The following PCGF2 variants were observed in gnomAD, a reference collection of about 807,000 sequenced individuals.
PCGF2 encodes the protein polycomb group RING finger protein 2.
A neutral mutation model predicts 36.1 loss-of-function variants in PCGF2; 8 were observed. The observed-to-expected ratio is 0.22, with a 90% CI of 0.13 to 0.40. The LOEUF (loss-of-function observed/expected upper bound fraction) is 0.40. PCGF2 is among the 10% of genes least tolerant of loss of function. The pLI, the probability that PCGF2 is intolerant of heterozygous loss-of-function variation, is 1.00. For synonymous variants in PCGF2, 198 were observed against 191.2 expected (o/e 1.04, Z -0.29); for missense variants, 436 against 475.9 (o/e 0.92, Z 0.78).
intron 8 of PCGF2, 35 bp downstream of exon 8, chr17:38,738,506 C>G: frequency 6.2e-7 from 1 of 1,612,682 alleles, no homozygotes; most frequent in South Asian, 1.1e-5. Context: ...CCCTCCCAGC[C>G]CACATTCCAG....
At position 38,740,362 on chromosome 17, in the gene PCGF2, G is replaced by A; in HGVS notation, c.41C>T (p.Pro14Leu). The change falls in exon 3 of 11, where the codon CCC (proline) becomes CTC (leucine). Residue 14 changes from proline (P) to leucine (L), a missense_variant. Pro to Leu is a moderately conservative substitution (Grantham distance 98). Transcript: ENST00000620225. Reference sequence around the variant, plus strand: ...CCCGCAGAGGGCACACATGAGGTGGGGGTTCAGCTCTGTGATTTTGATCCG... The same window carrying A: ...CCCGCAGAGGGCACACATGAGGTGGAGGTTCAGCTCTGTGATTTTGATCCG... Reference protein sequence around the residue: ...TTRIKITELNPHLMCALCGGY... With the variant: ...TTRIKITELNLHLMCALCGGY... 1 of 1,610,086 alleles carries A rather than the reference G, an allele frequency of 6.2e-7. No individual in the cohort carries two copies. The highest frequency in any genetic ancestry group is 8.5e-7 in the Non-Finnish European group (1 of 1,176,840).
chr17:38,748,419 CTTT>C (rs1218417925), upstream of PCGF2: 3 of 151,208 alleles, frequency 2.0e-5, no homozygotes, highest in Non-Finnish European at 4.4e-5. Context: ...GACAAAATGG[CTTT>C]TTTCCTCCAG....
intron 7 of PCGF2, 49 bp downstream of exon 7, chr17:38,738,704 G>A: frequency 1.3e-6 from 2 of 1,575,814 alleles, no homozygotes; most frequent in Non-Finnish European, 1.7e-6. Flanking sequence ...TGGGAGAAGG[G>A]GTTACCCAGA....
At chr17:38,737,972 C>T (rs964327552) in intron 9 of PCGF2, among the ~76,000 whole-genome samples, 28 of 148,656 alleles carry the variant, frequency 1.9e-4, no homozygotes, top group African/African-American at 6.4e-4. Flanking sequence ...TGCATTTTAA[C>T]AAGATCTCCA....
chr17:38,738,212 C>T, intron 9 of PCGF2, 141 bp downstream of exon 9: 1 of 708,030 alleles, frequency 1.4e-6, no homozygotes, highest in Non-Finnish European at 2.5e-6. Context: ...GTTTCAACCA[C>T]CCTTCTGTTA....
In PCGF2 at chr17:38,735,426, T is replaced by A. The variant is rs1293516092; in HGVS notation, c.832A>T (p.Ser278Cys). 1.3e-6 allele frequency: 2 copies of A among 1,577,796 alleles called. No individual in the cohort carries two copies. Among genetic ancestry groups the A allele is most frequent in the Non-Finnish European group, 8.6e-7 (1 of 1,161,432 alleles). The change falls in exon 11 of 11, where the codon AGC becomes TGC. Residue 278 changes from serine (S) to cysteine (C), a missense_variant. By Grantham distance (112) the Ser-to-Cys change is moderately radical (BLOSUM62 -1). Coordinates refer to ENST00000620225, the MANE Select transcript of PCGF2 (RefSeq NM_007144.3). ...TLPATSSSLP[S>C]PATPSHGSPS... ...GAGCCATGGGATGGGGTGGCTGGGC[T>A]GGGCAGGGAGGAGGAGGTGGCTGGC...
Position 38,738,772 on chromosome 17 carries a change from C to T in PCGF2, c.406G>A (p.Glu136Lys), listed in dbSNP as rs373487471. ...ACTTGCCTGGCACCTTCGTAGAATTCGATGGAGAGGCTGACAATCTCATCA... is the reference window on the plus strand; with the variant it reads ...ACTTGCCTGGCACCTTCGTAGAATTTGATGGAGAGGCTGACAATCTCATCA... ...SDDEIVSLSI[E>K]FYEGARDRDE... is the part of the protein sequence containing the mutation. The change falls in exon 7 of 11, where the codon GAA becomes AAA. Residue 136 changes from glutamate to lysine, a missense_variant. This residue lies in a region of PCGF2 where 189 missense variants were observed against 219.3 expected (regional missense o/e 0.86). Transcript: ENST00000620225. 6 of 1,613,824 alleles carry T rather than the reference C, an allele frequency of 3.7e-6. No individual in the cohort carries two copies. Among genetic ancestry groups the T allele is most frequent in the Admixed American group, 3.3e-5 (2 of 60,032 alleles).
intron 3 of PCGF2, among the ~76,000 whole-genome samples, chr17:38,740,010 A>G (rs1478954788): frequency 6.4e-4 from 98 of 152,202 alleles, no homozygotes; most frequent in Non-Finnish European, 4.4e-5. Flanking sequence ...CCCACAGTGC[A>G]AACAAGGGGT....
intron 2 of PCGF2, among the ~76,000 whole-genome samples, chr17:38,744,520 T>TA (rs751418539): frequency 8.8e-4 from 134 of 152,052 alleles, no homozygotes; most frequent in Admixed American, 1.7e-3. Flanking sequence ...CACACCTGGC[T>TA]AATTTTTGTA....
In PCGF2 at chr17:38,735,173, G is replaced by A. The variant is rs1906583427; in HGVS notation, c.*50C>T. The stretch of plus-strand genomic sequence containing the variant: ...AGGTGGAAAAAAGGGCCCAGAAAAA[G>A]TGGAAGGAGTGGAGAGGCTTGGCTG... On this transcript the variant is annotated 3_prime_UTR_variant, in exon 11 of 11. Coordinates refer to ENST00000620225, the MANE Select transcript of PCGF2 (RefSeq NM_007144.3). 7.7e-7 allele frequency: 1 copy of A among 1,295,634 alleles called. No homozygotes were observed. The highest frequency in any genetic ancestry group is 2.7e-5 in the South Asian group (1 of 37,642). The allele number at this position is 1,295,634 out of a possible 1,614,324, so 80.3% of individuals were successfully genotyped here.
Position 38,735,308 on chromosome 17 carries a change from CT to C in PCGF2, c.949del (p.Ser317AlafsTer2). The C allele has an allele frequency of 1.3e-6, 2 of 1,526,380 alleles. No individual in the cohort carries two copies. Among genetic ancestry groups the C allele is most frequent in the South Asian group, 2.5e-5 (2 of 78,468 alleles). 94.6% of individuals were successfully genotyped at this position (1,526,380 alleles called of 1,614,324 possible). A position where few individuals can be genotyped will look rare whatever the true frequency, so the allele number is the denominator to read the frequency against. On this transcript the variant is annotated frameshift_variant, in exon 11 of 11. Transcript: ENST00000620225. LOFTEE classifies it high-confidence loss of function. ...GGATGGTGTCTGCAGGCAGTTCAAG[CT>C]ACCCCCGTTGGCAGCTGTGGTGGCC... is the stretch of plus-strand genomic sequence containing the variant. The part of the protein sequence containing the change: ...SGATTAANGG[S>X]LNCLQTPSST...
intron 2 of PCGF2, among the ~76,000 whole-genome samples, chr17:38,745,833 C>A (rs1907501711): frequency 6.6e-6 from 1 of 152,136 alleles, no homozygotes; most frequent in African/African-American, 2.4e-5. Flanking sequence ...TGGACTCCTG[C>A]CTTGAGGCAG....
intron 2 of PCGF2, among the ~76,000 whole-genome samples, chr17:38,740,646 C>A (rs113262309): frequency 0.06 from 9,066 of 152,230 alleles, 332 homozygotes; most frequent in Non-Finnish European, 0.089. Context: ...GTAGTCCCAG[C>A]TGCTTGGGAG....
chr17:38,740,886 G>A (rs766644838), intron 2 of PCGF2, among the ~76,000 whole-genome samples: 8 of 152,152 alleles, frequency 5.3e-5, no homozygotes, highest in African/African-American at 1.2e-4. Flanking sequence ...TGGGCTGGGG[G>A]TGTACATGTG....
upstream of PCGF2, among the ~76,000 whole-genome samples, chr17:38,748,689 C>T (rs1204036586): frequency 2.6e-5 from 4 of 152,194 alleles, no homozygotes; most frequent in East Asian, 7.7e-4. Flanking sequence ...GATGCCCATC[C>T]CTAACTGGGG....
At chr17:38,737,529 G>A (rs1237512565) in intron 9 of PCGF2, among the ~76,000 whole-genome samples, 1 of 152,208 alleles carries the variant, frequency 6.6e-6, no homozygotes, top group Non-Finnish European at 1.5e-5. Flanking sequence ...TAAGATGTGA[G>A]TTAACTCATG....
Position 38,738,860 on chromosome 17 carries a change from G to C in PCGF2, c.318C>G (p.Val106=), listed in dbSNP as rs770081160. 4.3e-6 allele frequency: 7 copies of C among 1,612,824 alleles called. No individual in the cohort carries two copies. The South Asian group carries it at 5.5e-5, about 13-fold the overall frequency. Residue 106 remains valine (V), a splice_region_variant and synonymous_variant, in exon 7 of 11, where the codon GTC becomes GTG. Transcript: ENST00000620225. ...DFYAAYPLTE[V]PNGSNEDRGE... ...CGCGGTCCTCATTGGAGCCGTTGGGGACTGCAGAAGGAAAGAGCTCTCGGG... is the reference window on the plus strand; with the variant it reads ...CGCGGTCCTCATTGGAGCCGTTGGGCACTGCAGAAGGAAAGAGCTCTCGGG...
At chr17:38,742,606 T>C (rs747640733) in intron 2 of PCGF2, among the ~76,000 whole-genome samples, 8 of 152,148 alleles carry the variant, frequency 5.3e-5, no homozygotes, top group Admixed American at 3.9e-4. Context: ...CCACGCAGGG[T>C]GGCCTCGGCC....
chr17:38,738,572 G>C lies in PCGF2; in HGVS notation c.449C>G (p.Pro150Arg). The C allele has an allele frequency of 6.3e-7, 1 of 1,586,726 alleles. No individual in the cohort carries two copies. Among genetic ancestry groups the C allele is most frequent in the Non-Finnish European group, 8.6e-7 (1 of 1,165,762 alleles). ...GARDRDEKKGPLENGDGDKEK... is the reference protein window; with the variant it reads ...GARDRDEKKGRLENGDGDKEK... ...TTTGTCCCCATCCCCATTCTCCAGG[G>C]GGCCCTTCTTCTCGTCCCGGTCCCT... Residue 150 changes from proline to arginine, a missense_variant, in exon 8 of 11, where the codon CCC becomes CGC. Transcript: ENST00000620225.
Sources: gnomAD v4.1 joint callset for allele counts (sites outside exome capture counted in the v4.1 genomes callset) on GRCh38, gnomAD v4.1.1 for gene constraint, gnomAD v4.1.1 regional missense constraint, MANE v1.5 for transcripts, NCBI Gene and HGNC (gene_info 2026-07-23, HGNC 2026-07-21) for gene names.